TBC1D30: variants seen among roughly 807,000 people sequenced by gnomAD.
TBC1D30 encodes TBC1 domain family member 30, also known as TBC1 domain family, member 30.
Under a neutral mutation model 63.2 loss-of-function variants are expected in TBC1D30, and 31 were observed. That is an observed-to-expected ratio of 0.49 (90% CI 0.37 to 0.66). TBC1D30 has a LOEUF of 0.66. TBC1D30 is among the 30% of genes least tolerant of loss of function. The pLI is 0.00. For missense variants in TBC1D30, 810 were observed against 953.6 expected (o/e 0.85, Z 1.98); for synonymous variants, 307 against 361.5 (o/e 0.85, Z 1.71).
At chr12:64,791,408 T>C (rs1319980961) in intron 2 of TBC1D30, among the ~76,000 whole-genome samples, 1 of 152,206 alleles carries the variant, frequency 6.6e-6, no homozygotes, top group African/African-American at 2.4e-5. Flanking sequence ...AAATGTAATA[T>C]ACCCATGGAA....
chr12:64,790,958 A>G (rs1226255331), intron 2 of TBC1D30, among the ~76,000 whole-genome samples: 1 of 152,232 alleles, frequency 6.6e-6, no homozygotes, highest in East Asian at 1.9e-4. Flanking sequence ...AATTGAAGAC[A>G]TATGTCCCCA....
chr12:64,845,970 A>T (rs919273768), intron 8 of TBC1D30, among the ~76,000 whole-genome samples: 2 of 152,018 alleles, frequency 1.3e-5, no homozygotes, highest in African/African-American at 4.8e-5. Flanking sequence ...GGCCTTGAGC[A>T]CCTTTTCATA....
intron 2 of TBC1D30, among the ~76,000 whole-genome samples, chr12:64,806,124 C>T (rs1259641570): frequency 6.6e-6 from 1 of 152,252 alleles, no homozygotes; most frequent in Non-Finnish European, 1.5e-5. Flanking sequence ...GCTGTATGTA[C>T]TGTTCAATTT....
intron 7 of TBC1D30, 40 bp from the exon 8 acceptor site, chr12:64,843,340 G>A (rs1168325569): frequency 1.3e-6 from 2 of 1,496,002 alleles, no homozygotes; most frequent in East Asian, 2.5e-5. Context: ...CAGCATGGAT[G>A]CCCTAAACAA....
At chr12:64,813,785 T>G (rs550900224) in intron 2 of TBC1D30, among the ~76,000 whole-genome samples, 5 of 152,280 alleles carry the variant, frequency 3.3e-5, no homozygotes, top group African/African-American at 9.6e-5. Flanking sequence ...TTCTAATGAG[T>G]GGGATGGTAT....
chr12:64,787,636 G>T (rs907336121), intron 2 of TBC1D30, among the ~76,000 whole-genome samples: 2 of 152,134 alleles, frequency 1.3e-5, no homozygotes, highest in African/African-American at 4.8e-5. Flanking sequence ...ATTATTAAAA[G>T]AAAATCCTGT....
At chr12:64,874,193 A>G (rs758450144) in intron 11 of TBC1D30, among the ~76,000 whole-genome samples, 8 of 152,136 alleles carry the variant, frequency 5.3e-5, no homozygotes, top group Non-Finnish European at 1.0e-4. Flanking sequence ...GGTTCAAGCA[A>G]TCTCCTGCCT....
At chr12:64,766,119 C>T (rs1032491582) in intron 1 of TBC1D30, among the ~76,000 whole-genome samples, 1 of 151,980 alleles carries the variant, frequency 6.6e-6, no homozygotes, top group African/African-American at 2.4e-5. Flanking sequence ...GATAAGTCAA[C>T]TTGAAGGTAT....
In TBC1D30 at chr12:64,836,564, T is replaced by C. The variant is rs773504131; in HGVS notation, c.669T>C (p.Asp223=). 1.8e-5 allele frequency: 28 copies of C among 1,535,894 alleles called. No homozygotes were observed. The highest frequency in any genetic ancestry group is 2.4e-5 in the Non-Finnish European group (27 of 1,146,858). Residue 223 remains aspartate (D), a synonymous_variant, in exon 6 of 12, where the codon GAT becomes GAC. Transcript: ENST00000539867. ...FVNNLRALSV[D]MAVFRDLLRM... ...ATAATCTCCGGGCATTGTCTGTGGA[T>C]ATGGCTGTCTTCAGAGACCTTTTAA... is the stretch of plus-strand genomic sequence containing the variant.
chr12:64,760,543 C>T (rs928111409), intron 1 of TBC1D30, among the ~76,000 whole-genome samples: 2 of 152,106 alleles, frequency 1.3e-5, no homozygotes, highest in East Asian at 1.9e-4. Context: ...CAGAGCGAGA[C>T]TCTTGTCTCA....
intron 2 of TBC1D30, chr12:64,787,515 CT>C (rs551905518): frequency 3.7e-5 from 11 of 297,388 alleles, no homozygotes; most frequent in African/African-American, 4.6e-5. Context: ...TCCTAGAGTG[CT>C]TTTTTTTCAA....
At chr12:64,831,062 A>T (rs1248469574) in intron 4 of TBC1D30, among the ~76,000 whole-genome samples, 1 of 152,184 alleles carries the variant, frequency 6.6e-6, no homozygotes, top group East Asian at 1.9e-4. Flanking sequence ...TGATCCCAGT[A>T]TTATCCTCTT....
At chr12:64,838,071 G>A (rs1875525675) in intron 6 of TBC1D30, among the ~76,000 whole-genome samples, 1 of 152,050 alleles carries the variant, frequency 6.6e-6, no homozygotes, top group Non-Finnish European at 1.5e-5. Flanking sequence ...AAAGTAAGAG[G>A]GAGTACTATG....
At chr12:64,827,352 G>A (rs943861516) in intron 1 of TBC1D30, among the ~76,000 whole-genome samples, 1 of 152,206 alleles carries the variant, frequency 6.6e-6, no homozygotes, top group Non-Finnish European at 1.5e-5. Flanking sequence ...GGGAGGCTGA[G>A]GTGGGAGGAT....
intron 8 of TBC1D30, among the ~76,000 whole-genome samples, chr12:64,854,772 G>A (rs941924741): frequency 6.6e-6 from 1 of 152,174 alleles, no homozygotes. Flanking sequence ...TGGGATTACA[G>A]GTGTGAGCCA....
chr12:64,841,667 C>A (rs1307829199), intron 7 of TBC1D30, among the ~76,000 whole-genome samples: 1 of 152,220 alleles, frequency 6.6e-6, no homozygotes, highest in Non-Finnish European at 1.5e-5. Flanking sequence ...TTGTGCGGAG[C>A]TACTTGCAGT....
chr12:64,849,282 A>T (rs1003588046), intron 8 of TBC1D30, among the ~76,000 whole-genome samples: 3 of 152,184 alleles, frequency 2.0e-5, no homozygotes, highest in Admixed American at 2.0e-4. Context: ...TAGTTTAATT[A>T]GATCCCATTT....
intron 11 of TBC1D30, among the ~76,000 whole-genome samples, chr12:64,872,245 C>T (rs535155495): frequency 6.6e-6 from 1 of 152,318 alleles, no homozygotes; most frequent in African/African-American, 2.4e-5. Flanking sequence ...CCAGGCTGGT[C>T]TTGAACTTCT....
exon 1 of TBC1D30, chr12:64,759,487 C>T: frequency 1.9e-6 from 1 of 519,122 alleles, no homozygotes; most frequent in Non-Finnish European, 3.4e-6. Flanking sequence ...CCGGCGTGGG[C>T]GGGGCTGCGG....
Sources: gnomAD v4.1 joint callset for allele counts (sites outside exome capture counted in the v4.1 genomes callset) on GRCh38, gnomAD v4.1.1 for gene constraint, MANE v1.5 for transcripts, NCBI Gene and HGNC (gene_info 2026-07-23, HGNC 2026-07-21) for gene names.